Variants in MIER2 observed in about 807,000 individuals in gnomAD.
The protein encoded by MIER2 is MIER family member 2.
Under a neutral mutation model 67.6 loss-of-function variants are expected in MIER2, and 30 were observed. That is an observed-to-expected ratio of 0.44 (90% CI 0.33 to 0.60). MIER2 has a LOEUF of 0.60. MIER2 is among the 20% of genes least tolerant of loss of function. MIER2 has a pLI of 0.02. For synonymous variants in MIER2, 372 were observed against 312.6 expected, an observed-to-expected ratio of 1.19 and a Z score of -2.00; for missense variants, 702 against 745.1, an observed-to-expected ratio of 0.94 and a Z score of 0.67.
chr19:334,666 T>G, intron 2 of MIER2, 124 bp from the exon 3 acceptor site: 1 of 1,336,338 alleles, frequency 7.5e-7, no homozygotes, highest in East Asian at 2.4e-5. Flanking sequence ...AGGATCAGCC[T>G]CATGAGGGAA....
intron 7 of MIER2, among the ~76,000 whole-genome samples, chr19:322,803 C>A (rs556970557): frequency 1.3e-5 from 2 of 152,286 alleles, no homozygotes; most frequent in East Asian, 3.9e-4. Flanking sequence ...GTGCCTATGT[C>A]CACTAACGAC....
chr19:334,785 T>C (rs1450985972), intron 2 of MIER2, among the ~76,000 whole-genome samples: 2 of 152,186 alleles, frequency 1.3e-5, no homozygotes, highest in Non-Finnish European at 2.9e-5. Flanking sequence ...TCTGAGAGAC[T>C]GCTTGTCTTC....
At chr19:314,669 T>C (rs901961279) in intron 7 of MIER2, among the ~76,000 whole-genome samples, 2 of 151,606 alleles carry the variant, frequency 1.3e-5, no homozygotes, top group Non-Finnish European at 2.9e-5. Flanking sequence ...CAGCCACCTT[T>C]CTCCATCTCC....
In MIER2 at chr19:308,301, C is replaced by T; in HGVS notation, c.1198+276G>A. ...CCCGGAGACTGAGGCCTGGTAAATA[C>T]CCCAACCTCACCATACGGGGCTCCC... is the stretch of plus-strand genomic sequence containing the variant. On this transcript the variant is annotated intron_variant, in intron 12 of 13. Transcript: ENST00000264819. This position sits in a 1 kb window ranked among gnomAD's most constrained non-coding sequence, Gnocchi z 9.1. Among the ~76,000 whole-genome samples, 1 of 152,156 alleles carries T rather than the reference C, an allele frequency of 6.6e-6. No individual in the cohort carries two copies. Among genetic ancestry groups the T allele is most frequent in the Non-Finnish European group, 1.5e-5 (1 of 68,006 alleles).
intron 1 of MIER2, 120 bp from the exon 2 acceptor site, chr19:336,293 G>T (rs1322193955): frequency 3.9e-6 from 3 of 778,764 alleles, no homozygotes; most frequent in Admixed American, 2.5e-5. Flanking sequence ...CAGGGAAGGG[G>T]CTTTGTCTCC....
rs780533293 is a variant in MIER2 at position 327,919 on chromosome 19, C to T, written c.314G>A (p.Arg105Gln). 10 of 1,612,882 alleles carry T rather than the reference C, an allele frequency of 6.2e-6. No individual in the cohort carries two copies. The highest frequency in any genetic ancestry group is 1.6e-4 in the Middle Eastern group (1 of 6,072). ...GGCCACGTCACCACCCTCACTCTCC[C>T]GGTCTGAAATGGGGTCTGACGCCTC... ...GYEASDPISD[R>Q]ESEGGDVAPN... Residue 105 changes from arginine to glutamine, a missense_variant, in exon 4 of 14, where the codon CGG becomes CAG. Physicochemically the swap from Arg to Gln is conservative, Grantham distance 43. Around this residue, in one of 3 missense-constraint regions of MIER2, gnomAD observed 320 missense variants for 292.6 expected, o/e 1.09. Transcript: ENST00000264819.
chr19:317,386 G>A (rs1010831142), intron 7 of MIER2, among the ~76,000 whole-genome samples: 1 of 151,676 alleles, frequency 6.6e-6, no homozygotes, highest in Non-Finnish European at 1.5e-5. Context: ...CATTAGCCGG[G>A]AGTCATGGCG....
At chr19:326,726 G>A in intron 5 of MIER2, 128 bp from the exon 6 acceptor site, 1 of 760,748 alleles carries the variant, frequency 1.3e-6, no homozygotes, top group South Asian at 1.6e-5. Context: ...CCAGACATTG[G>A]GTAAACAGAT....
chr19:329,110 G>A lies in MIER2; in HGVS notation c.244-1121C>T, dbSNP rs189847468. On this transcript the variant is annotated intron_variant, in intron 3 of 13. Transcript: ENST00000264819. ...GGGTCACTTTCAGCTTCCAACTTCC[G>A]GAACACTCCCTCTCATTCTCTCAAG... Among the ~76,000 whole-genome samples the A allele has an allele frequency of 1.6e-3, 242 of 152,086 alleles. 2 individuals carry two copies. The highest frequency in any genetic ancestry group is 1.0e-3 in the South Asian group (5 of 4,808).
intron 7 of MIER2, among the ~76,000 whole-genome samples, chr19:319,093 G>C (rs1011725364): frequency 4.6e-5 from 7 of 150,910 alleles, no homozygotes; most frequent in Non-Finnish European, 1.0e-4. Context: ...GCTGGGTGCT[G>C]GTTCATGCCT....
chr19:306,236 G>A lies in MIER2; in HGVS notation c.*454C>T. On this transcript the variant is annotated 3_prime_UTR_variant, in exon 14 of 14. Transcript: ENST00000264819. ...AGCCCGCGGCCCTGCCGGGTGTGGAGAGACAGAGCCAAGCAGGGAGCTGAG... is the reference window on the plus strand; with the variant it reads ...AGCCCGCGGCCCTGCCGGGTGTGGAAAGACAGAGCCAAGCAGGGAGCTGAG... 5.4e-6 allele frequency: 1 copy of A among 185,992 alleles called. No individual in the cohort carries two copies. The highest frequency in any genetic ancestry group is 1.1e-5 in the Non-Finnish European group (1 of 91,044). 11.5% of individuals were successfully genotyped at this position (185,992 alleles called of 1,614,324 possible). A position where few individuals can be genotyped will look rare whatever the true frequency, so the allele number is the denominator to read the frequency against.
rs1260249519 is a variant in MIER2, at chr19:307,112, C to T, written c.1616+7G>A. On this transcript the variant is annotated splice_region_variant and intron_variant, in intron 13 of 13. Coordinates refer to ENST00000264819, the MANE Select transcript of MIER2 (RefSeq NM_017550.3). ...TGCGGAGGCTCCGGGCATGGGGTGG[C>T]ACTCACTGTGACAGGGGCTCCGAGT... The T allele has an allele frequency of 1.3e-6, 2 of 1,576,648 alleles. No homozygotes were observed. The highest frequency in any genetic ancestry group is 1.7e-6 in the Non-Finnish European group (2 of 1,161,132).
intron 1 of MIER2, chr19:344,156 G>A: frequency 1.0e-6 from 1 of 985,434 alleles, no homozygotes; most frequent in South Asian, 4.7e-5. Context: ...ACTCTTCTGA[G>A]ATCAGCCCCG....
At chr19:316,236 G>A (rs1479321455) in intron 7 of MIER2, among the ~76,000 whole-genome samples, 3 of 151,738 alleles carry the variant, frequency 2.0e-5, no homozygotes, top group Non-Finnish European at 4.4e-5. Context: ...TATGTGGATA[G>A]GATAAATACA....
At chr19:327,641 C>T (rs1971821384) in intron 4 of MIER2, among the ~76,000 whole-genome samples, 1 of 152,256 alleles carries the variant, frequency 6.6e-6, no homozygotes, top group African/African-American at 2.4e-5. Context: ...CGATGTGCCC[C>T]TCCACCCACC....
intron 8 of MIER2, 75 bp downstream of exon 8, chr19:313,417 A>G (rs1465002760): frequency 1.9e-6 from 3 of 1,559,346 alleles, no homozygotes; most frequent in Non-Finnish European, 2.6e-6. Flanking sequence ...TGGCCCCTGG[A>G]GGCACTGGGG....
chr19:313,215 G>A (rs963962604), intron 8 of MIER2, among the ~76,000 whole-genome samples: 2 of 151,510 alleles, frequency 1.3e-5, no homozygotes, highest in Non-Finnish European at 2.9e-5. Context: ...CCTCCTGGGC[G>A]ATGTCAGGGC....
rs1406793798 is a variant in MIER2, at chr19:333,426, G to A, written c.243+974C>T. ...ATTACAGGCATGAGCCACTGCATCC[G>A]GCCAATTTACATGTCAGTTTTAACT... On this transcript the variant is annotated intron_variant, in intron 3 of 13. Transcript: ENST00000264819. Among the ~76,000 whole-genome samples, 38 of 50,706 alleles carry A rather than the reference G, an allele frequency of 7.5e-4. 1 individual carries two copies. The highest frequency in any genetic ancestry group is 7.3e-4 in the Non-Finnish European group (22 of 30,182). 33.3% of individuals were successfully genotyped at this position (50,706 alleles called of 152,430 possible). A position where few individuals can be genotyped will look rare whatever the true frequency, so the allele number is the denominator to read the frequency against.
intron 7 of MIER2, among the ~76,000 whole-genome samples, chr19:322,673 A>G (rs1437013995): frequency 1.3e-5 from 2 of 152,012 alleles, no homozygotes; most frequent in African/African-American, 4.8e-5. Context: ...ATTCACCCTC[A>G]GTGGCAAACA....
Sources: gnomAD v4.1 joint callset for allele counts (sites outside exome capture counted in the v4.1 genomes callset) on GRCh38, gnomAD v4.1.1 for gene constraint, gnomAD v4.1.1 regional missense constraint, Gnocchi (gnomAD v3.1) non-coding constraint, MANE v1.5 for transcripts, NCBI Gene and HGNC (gene_info 2026-07-23, HGNC 2026-07-21) for gene names.